Variants in RAI14 observed in about 807,000 individuals in gnomAD.
RAI14 encodes the protein ankycorbin.
In RAI14, 45 loss-of-function variants were observed where a neutral mutation model predicts 115.4. The ratio of observed to expected loss-of-function variants is 0.39; its 90% CI spans 0.31 to 0.50. The LOEUF is 0.50. Ranked by LOEUF, RAI14 falls within the 20% of genes least tolerant of loss-of-function variation. The pLI is 0.85. For missense variants in RAI14, 939 were observed against 1,131.2 expected, an observed-to-expected ratio of 0.83 and a Z score of 2.44; for synonymous variants, 371 against 415.4, an observed-to-expected ratio of 0.89 and a Z score of 1.30.
chr5:34,750,847 C>CCTTTT (rs1561309335), intron 2 of RAI14, among the ~76,000 whole-genome samples: 1 of 62,450 alleles, frequency 1.6e-5, no homozygotes, highest in African/African-American at 7.6e-5. Flanking sequence ...TTTGCTTTAT[C>CCTTTT]ATTTTTTTTT....
chr5:34,725,346 G>A (rs908172412), intron 2 of RAI14, among the ~76,000 whole-genome samples: 3 of 151,572 alleles, frequency 2.0e-5, no homozygotes, highest in Non-Finnish European at 4.4e-5. Context: ...TGTGAAGCTA[G>A]AAAAAAAAGA....
At chr5:34,797,213 A>G (rs1753643294) in intron 4 of RAI14, among the ~76,000 whole-genome samples, 1 of 152,072 alleles carries the variant, frequency 6.6e-6, no homozygotes, top group Non-Finnish European at 1.5e-5. Context: ...GCCTAACTCC[A>G]TTGCCTTTAT....
intron 1 of RAI14, among the ~76,000 whole-genome samples, chr5:34,675,806 T>C (rs1743942405): frequency 6.6e-6 from 1 of 152,266 alleles, no homozygotes; most frequent in Admixed American, 6.5e-5. Context: ...GTCTTTTCTG[T>C]CTGACTTTCA....
chr5:34,722,868 G>A (rs571148880), intron 2 of RAI14, among the ~76,000 whole-genome samples: 34 of 152,044 alleles, frequency 2.2e-4, no homozygotes, highest in African/African-American at 8.0e-4. Context: ...TCAGGAATTT[G>A]AGACCAGCCT....
intron 3 of RAI14, among the ~76,000 whole-genome samples, chr5:34,787,073 C>T (rs1423663512): frequency 6.6e-6 from 1 of 152,176 alleles, no homozygotes; most frequent in African/African-American, 2.4e-5. Flanking sequence ...GGTTTTCCGC[C>T]CTGGGTAGGC....
intron 6 of RAI14, 95 bp from the exon 7 acceptor site, chr5:34,808,489 G>T (rs1285141849): frequency 5.4e-6 from 6 of 1,106,822 alleles, no homozygotes; most frequent in Non-Finnish European, 8.2e-6. Flanking sequence ...TGTAGAGTGG[G>T]TAGAACATGA....
At chr5:34,691,179 G>C (rs768160564) in intron 2 of RAI14, among the ~76,000 whole-genome samples, 1 of 152,110 alleles carries the variant, frequency 6.6e-6, no homozygotes, top group Non-Finnish European at 1.5e-5. Context: ...AGGTCAATCA[G>C]GGGAGACAGC....
At chr5:34,676,361 A>G (rs1471042339) in intron 1 of RAI14, among the ~76,000 whole-genome samples, 1 of 152,218 alleles carries the variant, frequency 6.6e-6, no homozygotes. Context: ...AAGATAAGTA[A>G]CACAGAACAG....
At chr5:34,686,333 T>TG (rs1156494346) in intron 1 of RAI14, 1 of 31,232 alleles carries the variant, frequency 3.2e-5, no homozygotes, top group Admixed American at 4.5e-4. Context: ...GGAGCAGGGG[T>TG]GGGGATGTGG....
chr5:34,686,813 C>G (rs978156881), intron 1 of RAI14, 59 bp from the exon 2 acceptor site: 2 of 1,132,210 alleles, frequency 1.8e-6, no homozygotes, highest in Non-Finnish European at 1.3e-6. Context: ...AGTTGTAATC[C>G]AATCAGGAGA....
chr5:34,734,198 C>A (rs1744560409), intron 2 of RAI14, among the ~76,000 whole-genome samples: 1 of 152,158 alleles, frequency 6.6e-6, no homozygotes, highest in South Asian at 2.1e-4. Context: ...CTGTGTGATT[C>A]CGTTGATGAC....
At chr5:34,684,920 C>T (rs1441017390) in intron 1 of RAI14, 2 of 152,216 alleles carry the variant, frequency 1.3e-5, no homozygotes, top group Non-Finnish European at 2.9e-5. Context: ...GTCACCTGTT[C>T]TCACTTGCAG....
intron 3 of RAI14, among the ~76,000 whole-genome samples, chr5:34,785,588 G>T (rs1429857561): frequency 2.0e-5 from 3 of 152,120 alleles, no homozygotes; most frequent in Non-Finnish European, 4.4e-5. Context: ...GGTTGAATTG[G>T]TCACGTGGAC....
chr5:34,824,706 G>A (rs1354850948), intron 15 of RAI14, among the ~76,000 whole-genome samples: 1 of 152,154 alleles, frequency 6.6e-6, no homozygotes, highest in African/African-American at 2.4e-5. Flanking sequence ...CACTTTGGGA[G>A]GCCGAGGTGG....
chr5:34,744,968 A>G (rs1459940028), intron 2 of RAI14, among the ~76,000 whole-genome samples: 2 of 152,158 alleles, frequency 1.3e-5, no homozygotes, highest in African/African-American at 4.8e-5. Flanking sequence ...CTCTGCCTCC[A>G]TTATCACATA....
chr5:34,819,072 C>T (rs1318207243), intron 13 of RAI14, among the ~76,000 whole-genome samples: 1 of 152,148 alleles, frequency 6.6e-6, no homozygotes, highest in Non-Finnish European at 1.5e-5. Context: ...TTGAAAAATA[C>T]ATCTTTATTT....
intron 3 of RAI14, among the ~76,000 whole-genome samples, chr5:34,761,053 A>T (rs987821021): frequency 6.6e-6 from 1 of 152,224 alleles, no homozygotes; most frequent in African/African-American, 2.4e-5. Flanking sequence ...CCCGAGTTGT[A>T]GCTTCTGTCA....
chr5:34,732,239 T>A (rs911817630), intron 2 of RAI14, among the ~76,000 whole-genome samples: 3 of 152,036 alleles, frequency 2.0e-5, no homozygotes, highest in African/African-American at 7.3e-5. Flanking sequence ...CTGCAGCCAA[T>A]GGACCCTTGC....
chr5:34,683,610 G>T (rs974849426), intron 1 of RAI14, among the ~76,000 whole-genome samples: 3 of 152,092 alleles, frequency 2.0e-5, no homozygotes, highest in Admixed American at 6.5e-5. Flanking sequence ...GCACAGTTTT[G>T]GGTTATCCAA....
Sources: allele counts gnomAD v4.1 joint callset (sites outside exome capture counted in the v4.1 genomes callset), GRCh38; gene constraint gnomAD v4.1.1; transcripts MANE v1.5; gene names NCBI Gene and HGNC (gene_info 2026-07-23, HGNC 2026-07-21).